Variants in EPB41L3 observed in about 807,000 individuals in gnomAD.
The protein encoded by EPB41L3 is erythrocyte membrane protein band 4.1 like 3.
In EPB41L3, 57 loss-of-function variants were observed where a neutral mutation model predicts 127.1. That is an observed-to-expected ratio of 0.45 (90% confidence interval 0.36 to 0.56). EPB41L3 has a LOEUF of 0.56. EPB41L3 is among the 20% of genes least tolerant of loss of function. EPB41L3 has a pLI of 0.00. For missense variants in EPB41L3, 1,273 were observed against 1,372.2 expected (o/e 0.93, Z 1.14); for synonymous variants, 572 against 549.5 (o/e 1.04, Z -0.57).
chr18:5,615,156 GA>G (rs900412994), intron 1 of EPB41L3, among the ~76,000 whole-genome samples: 4 of 150,246 alleles, frequency 2.7e-5, no homozygotes, highest in Non-Finnish European at 5.9e-5. Flanking sequence ...AGATATCAGA[GA>G]AAAAAAAAGC....
chr18:5,493,444 G>T (rs1455812442), intron 1 of EPB41L3, among the ~76,000 whole-genome samples: 1 of 151,844 alleles, frequency 6.6e-6, no homozygotes, highest in African/African-American at 2.4e-5. Context: ...AGGAGAAGTG[G>T]GTCTTACTTA....
In EPB41L3 at chr18:5,524,178, T is replaced by G. The variant is rs142423136; in HGVS notation, c.-12+19735A>C. 9.5e-3 allele frequency among the ~76,000 whole-genome samples: 1,447 copies of G among 152,154 alleles called. 13 individuals carry two copies. Among genetic ancestry groups the G allele is most frequent in the Non-Finnish European group, 0.016 (1,064 of 67,982 alleles). On this transcript the variant is annotated intron_variant, in intron 1 of 22. Coordinates refer to ENST00000341928, the MANE Select transcript of EPB41L3 (RefSeq NM_012307.5). The stretch of plus-strand genomic sequence containing the variant: ...TGGCCGGACTCTTTTCATTTTTTTT[T>G]TTGTTGTTGTTGTTTTTTGTTTTTT...
chr18:5,620,514 C>T (rs995833085), intron 1 of EPB41L3, among the ~76,000 whole-genome samples: 1 of 152,190 alleles, frequency 6.6e-6, no homozygotes, highest in African/African-American at 2.4e-5. Flanking sequence ...TTACCTAATT[C>T]TCTTCTATCT....
intron 14 of EPB41L3, among the ~76,000 whole-genome samples, chr18:5,408,819 G>A (rs1322308748): frequency 6.6e-6 from 1 of 152,140 alleles, no homozygotes; most frequent in East Asian, 1.9e-4. Context: ...ACTGCTTTCT[G>A]AGTATCAGTA....
intron 10 of EPB41L3, 80 bp downstream of exon 10, chr18:5,424,182 A>C: frequency 1.0e-6 from 1 of 977,736 alleles, no homozygotes; most frequent in Non-Finnish European, 1.4e-6. Context: ...ATAAAATTCC[A>C]TATTTTTTAT....
chr18:5,550,198 A>C (rs1004938441), intron 3 of EPB41L3, among the ~76,000 whole-genome samples: 1 of 152,186 alleles, frequency 6.6e-6, no homozygotes, highest in African/African-American at 2.4e-5. Context: ...AGATCTGACT[A>C]TCTTAAACCC....
intron 3 of EPB41L3, among the ~76,000 whole-genome samples, chr18:5,465,078 A>C (rs1406368361): frequency 6.6e-6 from 1 of 152,218 alleles, no homozygotes; most frequent in Non-Finnish European, 1.5e-5. Context: ...TTTCTGACAC[A>C]ACAGCAACAG....
At chr18:5,567,568 TGAGAAA>T (rs1173639903) in intron 3 of EPB41L3, among the ~76,000 whole-genome samples, 1 of 145,154 alleles carries the variant, frequency 6.9e-6, no homozygotes, top group Non-Finnish European at 1.5e-5. Context: ...TCTCAGAAAG[TGAGAAA>T]GAGAAAGAGA....
chr18:5,423,811 T>C (rs2077786825), intron 10 of EPB41L3, among the ~76,000 whole-genome samples: 2 of 152,192 alleles, frequency 1.3e-5, no homozygotes. Context: ...GGACAGTCTA[T>C]GGTTCTATAA....
intron 3 of EPB41L3, among the ~76,000 whole-genome samples, chr18:5,594,918 C>T (rs1785410): frequency 0.4 from 60,666 of 151,968 alleles, 12,785 homozygotes; most frequent in Non-Finnish European, 0.47. Context: ...TTATCTTTCC[C>T]GCAAGAATTA....
At chr18:5,409,936 G>C (rs2075992257) in intron 14 of EPB41L3, among the ~76,000 whole-genome samples, 1 of 151,914 alleles carries the variant, frequency 6.6e-6, no homozygotes, top group South Asian at 2.1e-4. Flanking sequence ...AAAGAAAAAA[G>C]GAGAAATAAC....
At chr18:5,411,848 T>A (rs1336537499) in intron 13 of EPB41L3, among the ~76,000 whole-genome samples, 1 of 152,152 alleles carries the variant, frequency 6.6e-6, no homozygotes, top group Non-Finnish European at 1.5e-5. Context: ...TCATGTTACG[T>A]ACTCCTAAAA....
At chr18:5,523,537 G>T (rs143334005) in intron 1 of EPB41L3, among the ~76,000 whole-genome samples, 1 of 152,166 alleles carries the variant, frequency 6.6e-6, no homozygotes, top group African/African-American at 2.4e-5. Flanking sequence ...GGTGGCTCAC[G>T]CCTGTTATCC....
rs1457993945 is a variant in EPB41L3, at chr18:5,415,965, A to G, written c.1920T>C (p.Phe640=). Residue 640 remains phenylalanine, a synonymous_variant, in exon 13 of 23, where the codon TTT becomes TTC. Coordinates refer to ENST00000341928, the MANE Select transcript of EPB41L3 (RefSeq NM_012307.5). ...PSLVPCFLFI[F]FFLLSASFSV... is the part of the protein sequence containing the mutation. ...AGAAGGAGGCAGACAGCAGAAAGAA[A>G]AAGATGAAGAGGAAACAGGGCACAA... 1 of 1,614,018 alleles carries G rather than the reference A, an allele frequency of 6.2e-7. No homozygotes were observed. The highest frequency in any genetic ancestry group is 8.5e-7 in the Non-Finnish European group (1 of 1,180,024).
upstream of EPB41L3, among the ~76,000 whole-genome samples, chr18:5,545,694 A>T (rs1032379946): frequency 6.6e-6 from 1 of 152,140 alleles, no homozygotes; most frequent in African/African-American, 2.4e-5. Context: ...TTCGGAGGAG[A>T]CTATGGTATT....
chr18:5,480,391 C>T (rs1256751482), intron 2 of EPB41L3, among the ~76,000 whole-genome samples: 1 of 152,188 alleles, frequency 6.6e-6, no homozygotes, highest in Non-Finnish European at 1.5e-5. Flanking sequence ...AATTCTCAAT[C>T]TCTTTTAATC....
chr18:5,556,527 C>T (rs2094038060), intron 3 of EPB41L3, among the ~76,000 whole-genome samples: 1 of 152,206 alleles, frequency 6.6e-6, no homozygotes, highest in Non-Finnish European at 1.5e-5. Flanking sequence ...TTCAGAGGAT[C>T]AGACTCTAAA....
chr18:5,627,347 TA>T (rs2094933296), intron 1 of EPB41L3, among the ~76,000 whole-genome samples: 1 of 152,190 alleles, frequency 6.6e-6, no homozygotes, highest in African/African-American at 2.4e-5. Context: ...AAAATTTCTC[TA>T]AAATGGAATC....
At chr18:5,440,030 T>C (rs887105570) in intron 5 of EPB41L3, among the ~76,000 whole-genome samples, 1 of 152,118 alleles carries the variant, frequency 6.6e-6, no homozygotes, top group African/African-American at 2.4e-5. Context: ...AATGCAAAAA[T>C]CCTCATTCTA....
Sources: allele counts gnomAD v4.1 joint callset (sites outside exome capture counted in the v4.1 genomes callset), GRCh38; gene constraint gnomAD v4.1.1; transcripts MANE v1.5; gene names NCBI Gene and HGNC (gene_info 2026-07-23, HGNC 2026-07-21).